The following SOX5 variants were observed in gnomAD, a reference collection of about 807,000 sequenced individuals.
The protein encoded by SOX5 is SRY-box transcription factor 5.
A neutral mutation model predicts 92.0 loss-of-function variants in SOX5; 9 were observed. The observed-to-expected ratio is 0.10, with a 90% CI of 0.06 to 0.17. The LOEUF is 0.17. SOX5 is among the 10% of genes least tolerant of loss of function. The pLI is 1.00. For missense variants in SOX5, 642 were observed against 944.5 expected, an observed-to-expected ratio of 0.68 and a Z score of 4.20; for synonymous variants, 344 against 336.3, an observed-to-expected ratio of 1.02 and a Z score of -0.25.
intron 4 of SOX5, among the ~76,000 whole-genome samples, chr12:24,029,521 C>G (rs919219975): frequency 6.6e-6 from 1 of 151,864 alleles, no homozygotes; most frequent in Non-Finnish European, 1.5e-5. Context: ...GCGATCCCCC[C>G]ACTTCAGCCT....
chr12:23,985,331 C>T (rs1462576547), intron 4 of SOX5, among the ~76,000 whole-genome samples: 1 of 151,930 alleles, frequency 6.6e-6, no homozygotes. Flanking sequence ...TCACTGTAGC[C>T]TCAAACTCCT....
chr12:24,343,101 G>T (rs1188647252), intron 2 of SOX5, among the ~76,000 whole-genome samples: 1 of 152,202 alleles, frequency 6.6e-6, no homozygotes, highest in Admixed American at 6.5e-5. Context: ...GAAGTAAGGG[G>T]TTTGCATTAT....
chr12:24,438,226 G>T (rs1445351267), intron 1 of SOX5, among the ~76,000 whole-genome samples: 1 of 152,106 alleles, frequency 6.6e-6, no homozygotes, highest in Non-Finnish European at 1.5e-5. Context: ...AGTGGGAGTT[G>T]AACAATGAGA....
chr12:24,131,901 G>A (rs879659848), intron 4 of SOX5, among the ~76,000 whole-genome samples: 7 of 152,026 alleles, frequency 4.6e-5, no homozygotes, highest in East Asian at 1.9e-4. Context: ...TTGTCTACAC[G>A]GACTAGATTT....
At chr12:23,599,936 C>T (rs2137373623) in intron 9 of SOX5, among the ~76,000 whole-genome samples, 1 of 152,256 alleles carries the variant, frequency 6.6e-6, no homozygotes, top group Admixed American at 6.5e-5. Context: ...TAAAAGACTA[C>T]ATGAAAGTAT....
chr12:23,587,113 T>C (rs1027183506), intron 9 of SOX5, among the ~76,000 whole-genome samples: 32 of 152,068 alleles, frequency 2.1e-4, no homozygotes, highest in Admixed American at 3.3e-4. Flanking sequence ...TATGAAAGTA[T>C]GTTTAGTGGG....
chr12:23,598,703 T>C (rs972328996), intron 9 of SOX5, among the ~76,000 whole-genome samples: 34 of 152,106 alleles, frequency 2.2e-4, no homozygotes, highest in African/African-American at 8.2e-4. Context: ...CCGGCCACTC[T>C]TGTGCTATAT....
intron 2 of SOX5, among the ~76,000 whole-genome samples, chr12:24,333,702 T>C (rs551304693): frequency 1.4e-4 from 22 of 152,180 alleles, no homozygotes; most frequent in African/African-American, 5.3e-4. Context: ...TCCCTAAAAA[T>C]ACATTATACC....
At chr12:23,545,984 G>A (rs984578266) in intron 12 of SOX5, among the ~76,000 whole-genome samples, 11 of 152,084 alleles carry the variant, frequency 7.2e-5, no homozygotes, top group Non-Finnish European at 1.3e-4. Context: ...AGCATTTTGA[G>A]CATTTGCTTT....
intron 3 of SOX5, among the ~76,000 whole-genome samples, chr12:24,273,396 CTACTT>C (rs1377655580): frequency 6.6e-6 from 1 of 152,200 alleles, no homozygotes; most frequent in Non-Finnish European, 1.5e-5. Flanking sequence ...TTCAAGTTCT[CTACTT>C]CACTTCAGCA....
At chr12:24,530,099 C>T (rs1951059226) in intron 1 of SOX5, among the ~76,000 whole-genome samples, 1 of 151,206 alleles carries the variant, frequency 6.6e-6, no homozygotes, top group South Asian at 2.1e-4. Context: ...TGATCATAAA[C>T]CCATCAACAA....
chr12:24,450,446 T>C (rs1045945224), intron 1 of SOX5, among the ~76,000 whole-genome samples: 1 of 152,008 alleles, frequency 6.6e-6, no homozygotes, highest in Non-Finnish European at 1.5e-5. Flanking sequence ...AAATGGGATA[T>C]CCATTACTTC....
chr12:23,958,642 A>C (rs943100966), intron 4 of SOX5, among the ~76,000 whole-genome samples: 1 of 151,882 alleles, frequency 6.6e-6, no homozygotes, highest in Non-Finnish European at 1.5e-5. Flanking sequence ...AATTGACGCT[A>C]GGTTTCTATA....
intron 6 of SOX5, among the ~76,000 whole-genome samples, chr12:23,688,166 C>T (rs1017615291): frequency 3.3e-5 from 5 of 151,986 alleles, no homozygotes; most frequent in African/African-American, 9.7e-5. Flanking sequence ...AATAGAATGG[C>T]CTGACATCAC....
intron 4 of SOX5, among the ~76,000 whole-genome samples, chr12:24,089,506 T>TATAGACAGA (rs1944394672): frequency 2.0e-5 from 3 of 152,302 alleles, no homozygotes; most frequent in Admixed American, 2.0e-4. Flanking sequence ...CATGTCTTTA[T>TATAGACAGA]ACATTCAGGA....
At chr12:23,817,742 T>A (rs985881221) in intron 3 of SOX5, among the ~76,000 whole-genome samples, 1 of 152,198 alleles carries the variant, frequency 6.6e-6, no homozygotes, top group Admixed American at 6.5e-5. Context: ...CGCTTTGGTA[T>A]GAGTTCCCTC....
At chr12:24,440,603 TG>T (rs1158769990) in intron 1 of SOX5, among the ~76,000 whole-genome samples, 21 of 133,432 alleles carry the variant, frequency 1.6e-4, no homozygotes, top group African/African-American at 5.8e-4. Flanking sequence ...TTTGTGTGTG[TG>T]TGTGTGTGTG....
chr12:24,241,145 C>T (rs577153718), intron 3 of SOX5, among the ~76,000 whole-genome samples: 33 of 152,192 alleles, frequency 2.2e-4, no homozygotes, highest in African/African-American at 7.5e-4. Context: ...TCAAAATTTC[C>T]ACAATTTATA....
intron 3 of SOX5, among the ~76,000 whole-genome samples, chr12:23,809,242 T>C (rs1481315964): frequency 1.3e-5 from 2 of 152,052 alleles, no homozygotes; most frequent in Non-Finnish European, 2.9e-5. Flanking sequence ...AACGGGCTGG[T>C]GGGTAGGGAG....
Sources: gnomAD v4.1 joint callset for allele counts (sites outside exome capture counted in the v4.1 genomes callset) on GRCh38, gnomAD v4.1.1 for gene constraint, MANE v1.5 for transcripts, NCBI Gene and HGNC (gene_info 2026-07-23, HGNC 2026-07-21) for gene names.